Variants in SCNN1G observed in about 807,000 individuals in gnomAD.
SCNN1G encodes epithelial sodium channel subunit gamma.
Under a neutral mutation model 64.6 loss-of-function variants are expected in SCNN1G, and 27 were observed. That is an observed-to-expected ratio of 0.42 (90% confidence interval 0.31 to 0.58). The LOEUF (loss-of-function observed/expected upper bound fraction) is 0.58, where lower values mean the gene tolerates loss of function less well. Ranked by LOEUF, SCNN1G falls within the 20% of genes least tolerant of loss-of-function variation. The probability of loss-of-function intolerance (pLI) is 0.18; values close to 1 mark genes in which losing one functional copy is unlikely to be tolerated. For missense variants in SCNN1G, 743 were observed against 823.4 expected (o/e 0.90, Z 1.19); for synonymous variants, 330 against 314.2 (o/e 1.05, Z -0.53).
intron 6 of SCNN1G, among the ~76,000 whole-genome samples, chr16:23,204,061 T>C (rs1026659064): frequency 4.0e-5 from 6 of 151,210 alleles, no homozygotes; most frequent in African/African-American, 1.5e-4. Context: ...GTGGATCACT[T>C]GCACCTAGGA....
rs199888130 is a variant in SCNN1G, at chr16:23,192,409, A to T, written c.676A>T (p.Ile226Phe). Residue 226 changes from isoleucine to phenylalanine, a missense_variant, in exon 4 of 13, where the codon ATT (isoleucine) becomes TTT (phenylalanine). Coordinates refer to ENST00000300061, the MANE Select transcript of SCNN1G (RefSeq NM_001039.4). ...CACCTTCAGCTCGGGAATCAATGCC[A>T]TTCAGGAGTGGTATAAGCTACACTA... ...TYTFSSGINA[I>F]QEWYKLHYMN... The T allele has an allele frequency of 1.2e-6, 2 of 1,614,116 alleles. No individual in the cohort carries two copies. Among genetic ancestry groups the T allele is most frequent in the Admixed American group, 3.3e-5 (2 of 60,018 alleles).
chr16:23,197,673 A>G (rs1175168713), intron 6 of SCNN1G, among the ~76,000 whole-genome samples: 1 of 152,064 alleles, frequency 6.6e-6, no homozygotes, highest in African/African-American at 2.4e-5. Flanking sequence ...TGAGGTCAAG[A>G]GTTTGAGACC....
chr16:23,209,206 C>T lies in SCNN1G; in HGVS notation c.1078-544C>T, dbSNP rs191103694. Among the ~76,000 whole-genome samples, 74 of 152,228 alleles carry T rather than the reference C, an allele frequency of 4.9e-4. 1 individual carries two copies. The highest frequency in any genetic ancestry group is 3.4e-3 in the Admixed American group (52 of 15,292). ...GCAGTGGTACGACGATGGCTCACTG[C>T]AGCCTTGACCTCCTGGGCTCAAGTG... On this transcript the variant is annotated intron_variant, in intron 6 of 12. Coordinates refer to ENST00000300061, the MANE Select transcript of SCNN1G (RefSeq NM_001039.4).
chr16:23,189,269 G>T lies in SCNN1G; in HGVS notation c.318-102G>T, dbSNP rs984022088. On this transcript the variant is annotated intron_variant, in intron 2 of 12. Transcript: ENST00000300061. Reference sequence around the variant, plus strand: ...TCTGCCAAGGAGTTGGGAAAGGTGGGCATGAGGCTGACACGTGTTGATGGA... The same window carrying T: ...TCTGCCAAGGAGTTGGGAAAGGTGGTCATGAGGCTGACACGTGTTGATGGA... 101 of 1,195,852 alleles carry T rather than the reference G, an allele frequency of 8.4e-5. No homozygotes were observed. The Admixed American group carries it at 1.2e-3, about 14-fold the overall frequency. The allele number at this position is 1,195,852 out of a possible 1,614,324, so 74.1% of individuals were successfully genotyped here. A position where few individuals can be genotyped will look rare whatever the true frequency, so the allele number is the denominator to read the frequency against.
intron 6 of SCNN1G, among the ~76,000 whole-genome samples, chr16:23,202,463 A>G (rs977788258): frequency 6.6e-6 from 1 of 152,338 alleles, no homozygotes; most frequent in South Asian, 2.1e-4. Context: ...TTAGAAGGAC[A>G]AGTGCAGGCA....
At chr16:23,197,615 G>T (rs902266939) in intron 6 of SCNN1G, among the ~76,000 whole-genome samples, 188 bp downstream of exon 6, 1 of 152,094 alleles carries the variant, frequency 6.6e-6, no homozygotes, top group South Asian at 2.1e-4. Flanking sequence ...TCTTCTGGCC[G>T]GCTGCAGTGG....
In SCNN1G at chr16:23,204,265, T is replaced by A. The variant is rs1393136070; in HGVS notation, c.1078-5485T>A. On this transcript the variant is annotated intron_variant, in intron 6 of 12. Transcript: ENST00000300061. The stretch of plus-strand genomic sequence containing the variant: ...CTGCACTGCAGGCTGGGTGGCAGAG[T>A]GATACTCCATCACAAATATATACAT... 1.1e-4 allele frequency among the ~76,000 whole-genome samples: 12 copies of A among 110,594 alleles called. No individual in the cohort carries two copies. In the East Asian group the frequency reaches 2.9e-3, roughly 27 times the overall value. The allele number at this position is 110,594 out of a possible 152,430, so 72.6% of individuals were successfully genotyped here. A position where few individuals can be genotyped will look rare whatever the true frequency, so the allele number is the denominator to read the frequency against.
At position 23,215,297 on chromosome 16, in the gene SCNN1G, A is replaced by ATCC. The variant is rs770495447; in HGVS notation, c.1779_1781dup (p.Pro594dup). The ATCC allele has an allele frequency of 3.5e-4, 571 of 1,614,030 alleles. 1 individual carries two copies. The highest frequency in any genetic ancestry group is 3.6e-4 in the Non-Finnish European group (426 of 1,180,008). On this transcript the variant is annotated inframe_insertion, in exon 13 of 13. Transcript: ENST00000300061. Reference sequence around the variant, plus strand: ...CCCCGTAGCCCACAGGGCCAGGACAATCCAGCCCTGGATATAGACGATGAC... The same window carrying ATCC: ...CCCCGTAGCCCACAGGGCCAGGACAATCCTCCAGCCCTGGATATAGACGATGAC...
At chr16:23,187,252 G>A (rs986229765) in intron 2 of SCNN1G, among the ~76,000 whole-genome samples, 1 of 151,972 alleles carries the variant, frequency 6.6e-6, no homozygotes, top group Non-Finnish European at 1.5e-5. Flanking sequence ...GGGACTATAG[G>A]CACATGCCAC....
chr16:23,204,308 T>TATATATATATATATATAC (rs1959944498), intron 6 of SCNN1G, among the ~76,000 whole-genome samples: 1 of 70,760 alleles, frequency 1.4e-5, no homozygotes, highest in African/African-American at 5.3e-5. Flanking sequence ...TATATATATA[T>TATATATATATATATATAC]ATATATATAT....
Position 23,186,265 on chromosome 16 carries a change from C to T in SCNN1G, c.-7C>T. ...CAGAGTCCCGTCCTCAAAGTCCCAT[C>T]CTCGCCATGGCACCCGGAGAGAAGA... On this transcript the variant is annotated 5_prime_UTR_variant, in exon 2 of 13. Transcript: ENST00000300061. 6.2e-7 allele frequency: 1 copy of T among 1,614,186 alleles called. No homozygotes were observed. Among genetic ancestry groups the T allele is most frequent in the Non-Finnish European group, 8.5e-7 (1 of 1,180,010 alleles).
At position 23,190,286 on chromosome 16, in the gene SCNN1G, AAAAGAAAGG is replaced by A. The variant is rs542537511; in HGVS notation, c.618+630_618+638del. Among the ~76,000 whole-genome samples, 39 of 151,328 alleles carry A rather than the reference AAAAGAAAGG, an allele frequency of 2.6e-4. No homozygotes were observed. The East Asian group carries it at 7.0e-3, about 27-fold the overall frequency. On this transcript the variant is annotated intron_variant, in intron 3 of 12. Coordinates refer to ENST00000300061, the MANE Select transcript of SCNN1G (RefSeq NM_001039.4). Reference sequence around the variant, plus strand: ...AAAAGAAAGAAAGAGAGAAAGAAAGAAAAGAAAGGAAAGAAAGGAAAGACACCCAGCTGG... The same window carrying A: ...AAAAGAAAGAAAGAGAGAAAGAAAGAAAAGAAAGGAAAGACACCCAGCTGG...
intron 1 of SCNN1G, among the ~76,000 whole-genome samples, chr16:23,185,856 C>G (rs992800568): frequency 6.6e-6 from 1 of 152,178 alleles, no homozygotes; most frequent in Non-Finnish European, 1.5e-5. Flanking sequence ...GGTGATAAGG[C>G]ACGGGTACCC....
intron 11 of SCNN1G, among the ~76,000 whole-genome samples, chr16:23,214,262 A>G (rs1299027564): frequency 6.6e-6 from 1 of 152,240 alleles, no homozygotes; most frequent in African/African-American, 2.4e-5. Flanking sequence ...GTAGAATTCA[A>G]TGAGTTAGTT....
chr16:23,199,873 G>A (rs1959860296), intron 6 of SCNN1G, among the ~76,000 whole-genome samples: 1 of 151,514 alleles, frequency 6.6e-6, no homozygotes, highest in South Asian at 2.1e-4. Flanking sequence ...GGGTTTCACT[G>A]TGTTAGCCAG....
rs775062537 is a variant in SCNN1G, at chr16:23,215,435, A to T, written c.1916A>T (p.Gln639Leu). 3.7e-6 allele frequency: 6 copies of T among 1,612,880 alleles called. No homozygotes were observed. In the Admixed American group the frequency reaches 1.0e-4, roughly 27 times the overall value. The change falls in exon 13 of 13, where the codon CAG becomes CTG. Residue 639 changes from glutamine to leucine, a missense_variant. Transcript: ENST00000300061. ...TLRLERAFSN[Q>L]LTDTQMLDEL Reference sequence around the variant, plus strand: ...CGCTTGGAGAGGGCCTTTTCCAACCAGCTCACAGATACCCAGATGCTGGAT... The same window carrying T: ...CGCTTGGAGAGGGCCTTTTCCAACCTGCTCACAGATACCCAGATGCTGGAT...
At position 23,215,317 on chromosome 16, in the gene SCNN1G, G is replaced by C. The variant is rs772835346; in HGVS notation, c.1798G>C (p.Asp600His). The C allele has an allele frequency of 6.2e-7, 1 of 1,614,130 alleles. No homozygotes were observed. The change falls in exon 13 of 13, where the codon GAT becomes CAT. Residue 600 changes from aspartate (D) to histidine (H), a missense_variant. Asp to His is a moderately conservative substitution (Grantham distance 81). Coordinates refer to ENST00000300061, the MANE Select transcript of SCNN1G (RefSeq NM_001039.4). ...GGACAATCCAGCCCTGGATATAGAC[G>C]ATGACCTACCCACTTTCAACTCTGC... The part of the protein sequence containing the change: ...GQDNPALDID[D>H]DLPTFNSALH...
chr16:23,182,987 A>T (rs561616311), intron 1 of SCNN1G, among the ~76,000 whole-genome samples, 174 bp downstream of exon 1: 1 of 152,204 alleles, frequency 6.6e-6, no homozygotes, highest in African/African-American at 2.4e-5. Context: ...GGTAGCGGCC[A>T]GCTCTCCCGG....
chr16:23,197,453 G>A, intron 6 of SCNN1G, 26 bp downstream of exon 6: 1 of 1,603,544 alleles, frequency 6.2e-7, no homozygotes, highest in Non-Finnish European at 8.5e-7. Flanking sequence ...CATTTCCATA[G>A]GCTTGGAGAG....
Sources: allele counts gnomAD v4.1 joint callset (sites outside exome capture counted in the v4.1 genomes callset), GRCh38; gene constraint gnomAD v4.1.1; transcripts MANE v1.5; gene names NCBI Gene and HGNC (gene_info 2026-07-23, HGNC 2026-07-21).